IQGAP1: variants seen among roughly 807,000 people sequenced by gnomAD.
The protein encoded by IQGAP1 is ras GTPase-activating-like protein IQGAP1.
A neutral mutation model predicts 215.6 loss-of-function variants in IQGAP1; 66 were observed. The ratio of observed to expected loss-of-function variants is 0.31; its 90% CI spans 0.25 to 0.38. The LOEUF is 0.38. IQGAP1 is among the 10% of genes least tolerant of loss of function. The probability of loss-of-function intolerance (pLI) is 1.00; values close to 1 mark genes in which losing one functional copy is unlikely to be tolerated. For missense variants in IQGAP1, 1,712 were observed against 1,997.1 expected, an observed-to-expected ratio of 0.86 and a Z score of 2.72; for synonymous variants, 772 against 728.7, an observed-to-expected ratio of 1.06 and a Z score of -0.96.
intron 11 of IQGAP1, among the ~76,000 whole-genome samples, chr15:90,450,896 T>C (rs1965595822): frequency 6.6e-6 from 1 of 151,822 alleles, no homozygotes; most frequent in Non-Finnish European, 1.5e-5. Context: ...TTTGCAAATG[T>C]TTTCTCCTGT....
chr15:90,388,272 G>C lies in IQGAP1; in HGVS notation c.-70G>C. The C allele has an allele frequency of 6.4e-7, 1 of 1,550,530 alleles. No homozygotes were observed. Among genetic ancestry groups the C allele is most frequent in the Non-Finnish European group, 8.8e-7 (1 of 1,139,448 alleles). Reference sequence around the variant, plus strand: ...CGGCAAGCCCGCGCACTTGGCAGGAGCTGTAGCTACCGCCGTCCGCGCCTC... The same window carrying C: ...CGGCAAGCCCGCGCACTTGGCAGGACCTGTAGCTACCGCCGTCCGCGCCTC... On this transcript the variant is annotated 5_prime_UTR_variant, in exon 1 of 38. Coordinates refer to ENST00000268182, the MANE Select transcript of IQGAP1 (RefSeq NM_003870.4).
chr15:90,396,234 G>C (rs1964717222), intron 2 of IQGAP1, among the ~76,000 whole-genome samples: 1 of 152,202 alleles, frequency 6.6e-6, no homozygotes, highest in Non-Finnish European at 1.5e-5. Context: ...CTCCCTGTAA[G>C]TGATTTCAGA....
intron 2 of IQGAP1, among the ~76,000 whole-genome samples, chr15:90,406,919 C>G (rs1481400671): frequency 6.6e-6 from 1 of 152,170 alleles, no homozygotes; most frequent in Non-Finnish European, 1.5e-5. Flanking sequence ...AGTTCATTAA[C>G]TCATTAGTAG....
intron 12 of IQGAP1, 55 bp from the exon 13 acceptor site, chr15:90,453,077 G>T: frequency 6.4e-7 from 1 of 1,561,356 alleles, no homozygotes; most frequent in Non-Finnish European, 8.7e-7. Flanking sequence ...ATAACTCCCT[G>T]GGTCTTGGAG....
chr15:90,494,515 C>T, intron 35 of IQGAP1, 198 bp from the exon 36 acceptor site: 1 of 354,034 alleles, frequency 2.8e-6, no homozygotes, highest in South Asian at 4.7e-5. Flanking sequence ...AAAATAGAAG[C>T]AATTTAGTAA....
Position 90,500,348 on chromosome 15 carries a change from A to T in IQGAP1, c.*240A>T. Reference sequence around the variant, plus strand: ...CTTTCTGGTTTCTTCATTTTCTTCCATTACTTAGGAAAGAGTGGAAACTCC... The same window carrying T: ...CTTTCTGGTTTCTTCATTTTCTTCCTTTACTTAGGAAAGAGTGGAAACTCC... On this transcript the variant is annotated 3_prime_UTR_variant, in exon 38 of 38. Transcript: ENST00000268182. The T allele has an allele frequency of 2.4e-6, 1 of 409,288 alleles. No homozygotes were observed. The highest frequency in any genetic ancestry group is 4.1e-5 in the East Asian group (1 of 24,200). 25.4% of individuals were successfully genotyped at this position (409,288 alleles called of 1,614,324 possible).
chr15:90,475,835 G>C (rs187035677), intron 23 of IQGAP1: 2 of 150,582 alleles, frequency 1.3e-5, no homozygotes, highest in African/African-American at 4.9e-5. Context: ...GAAGATAAAT[G>C]TCTTCCCCTA....
chr15:90,470,888 G>A (rs907141943), intron 18 of IQGAP1, among the ~76,000 whole-genome samples: 1 of 152,008 alleles, frequency 6.6e-6, no homozygotes, highest in African/African-American at 2.4e-5. Context: ...GCTTCTAAAT[G>A]TTCCTTCTTA....
At chr15:90,492,420 A>T (rs1039664486) in intron 34 of IQGAP1, 125 bp from the exon 35 acceptor site, 31 of 86,748 alleles carry the variant, frequency 3.6e-4, no homozygotes, top group Non-Finnish European at 5.6e-4. Context: ...CAGAGTGTCT[A>T]AAAAAAAAAA....
chr15:90,466,159 A>T, intron 16 of IQGAP1, 68 bp downstream of exon 16: 1 of 1,576,748 alleles, frequency 6.3e-7, no homozygotes, highest in Non-Finnish European at 8.7e-7. Flanking sequence ...GTACAGCTTG[A>T]CCAAGATAGG....
intron 2 of IQGAP1, among the ~76,000 whole-genome samples, chr15:90,422,626 G>GTA (rs4031444): frequency 5.2e-4 from 25 of 48,104 alleles, no homozygotes; most frequent in South Asian, 1.8e-3. Context: ...ATATATATAT[G>GTA]TATATATATA....
chr15:90,457,265 C>G (rs1965697626), intron 15 of IQGAP1, among the ~76,000 whole-genome samples: 1 of 152,028 alleles, frequency 6.6e-6, no homozygotes, highest in Non-Finnish European at 1.5e-5. Context: ...TTGTGTCTGG[C>G]TTCTGTTGCC....
At chr15:90,446,307 T>C (rs1435251666) in intron 9 of IQGAP1, among the ~76,000 whole-genome samples, 1 of 152,218 alleles carries the variant, frequency 6.6e-6, no homozygotes, top group Non-Finnish European at 1.5e-5. Flanking sequence ...TCTTAAAATG[T>C]CCTATTCATA....
At chr15:90,454,908 C>A (rs1473033912) in intron 14 of IQGAP1, among the ~76,000 whole-genome samples, 1 of 152,216 alleles carries the variant, frequency 6.6e-6, no homozygotes, top group Non-Finnish European at 1.5e-5. Context: ...CTGAAAGCTG[C>A]AGGGTTCCCA....
chr15:90,498,157 C>T (rs1358929617), intron 37 of IQGAP1, among the ~76,000 whole-genome samples: 1 of 151,940 alleles, frequency 6.6e-6, no homozygotes, highest in Non-Finnish European at 1.5e-5. Flanking sequence ...CTTCTGTAGC[C>T]CTTGCAGACA....
At chr15:90,497,488 G>T in intron 37 of IQGAP1, 148 bp downstream of exon 37, 1 of 580,244 alleles carries the variant, frequency 1.7e-6, no homozygotes, top group Non-Finnish European at 3.1e-6. Context: ...GAAGCTGAGG[G>T]TTTCAGCATG....
chr15:90,472,743 A>G, intron 18 of IQGAP1, 97 bp from the exon 19 acceptor site: 1 of 1,117,004 alleles, frequency 9.0e-7, no homozygotes, highest in Non-Finnish European at 1.3e-6. Context: ...CTTAGGAAGC[A>G]GGAGGTGTTA....
At chr15:90,476,409 T>G (rs760874859) in intron 23 of IQGAP1, among the ~76,000 whole-genome samples, 13 of 152,238 alleles carry the variant, frequency 8.5e-5, no homozygotes, top group Non-Finnish European at 2.9e-5. Flanking sequence ...CTTATTTTTA[T>G]AATAGACTGC....
chr15:90,441,536 C>T lies in IQGAP1; in HGVS notation c.680C>T (p.Ala227Val). The change falls in exon 8 of 38, where the codon GCT becomes GTT. Residue 227 changes from alanine to valine, a missense_variant. Coordinates refer to ENST00000268182, the MANE Select transcript of IQGAP1 (RefSeq NM_003870.4). ...GCTGCTGTTATTGCTATTAATGAAG[C>T]TATTGACCGTAGAATTCCAGCCGAC... ...LHAAVIAINE[A>V]IDRRIPADTF... The T allele has an allele frequency of 6.8e-6, 11 of 1,612,878 alleles. No individual in the cohort carries two copies. Among genetic ancestry groups the T allele is most frequent in the Non-Finnish European group, 9.3e-6 (11 of 1,179,724 alleles).
Sources: allele counts gnomAD v4.1 joint callset (sites outside exome capture counted in the v4.1 genomes callset), GRCh38; gene constraint gnomAD v4.1.1; transcripts MANE v1.5; gene names NCBI Gene and HGNC (gene_info 2026-07-23, HGNC 2026-07-21).